RASGRF2: variants seen among roughly 807,000 people sequenced by gnomAD.
RASGRF2 encodes ras-specific guanine nucleotide-releasing factor 2.
In RASGRF2, 76 loss-of-function variants were observed where a neutral mutation model predicts 151.0. The observed-to-expected ratio is 0.50, with a 90% CI of 0.42 to 0.61. RASGRF2 has a LOEUF of 0.61. RASGRF2 is among the 20% of genes least tolerant of loss of function. The pLI is 0.00. For missense variants in RASGRF2, 1,148 were observed against 1,564.6 expected, an observed-to-expected ratio of 0.73 and a Z score of 4.49; for synonymous variants, 504 against 566.5, an observed-to-expected ratio of 0.89 and a Z score of 1.57.
chr5:81,083,768 C>G (rs887311713), intron 7 of RASGRF2, among the ~76,000 whole-genome samples: 1 of 152,210 alleles, frequency 6.6e-6, no homozygotes, highest in African/African-American at 2.4e-5. Context: ...GTGAAATCTG[C>G]TCCTGACAAG....
At chr5:81,043,460 C>T (rs769536807) in intron 2 of RASGRF2, among the ~76,000 whole-genome samples, 1 of 152,140 alleles carries the variant, frequency 6.6e-6, no homozygotes, top group Non-Finnish European at 1.5e-5. Context: ...CTGTGCACCT[C>T]GGTTATCAAA....
chr5:81,066,839 GT>G (rs1263583615), intron 2 of RASGRF2, among the ~76,000 whole-genome samples: 2 of 152,194 alleles, frequency 1.3e-5, no homozygotes, highest in South Asian at 2.1e-4. Flanking sequence ...TTTTAGGCTG[GT>G]TTAATGTGGT....
intron 26 of RASGRF2, among the ~76,000 whole-genome samples, chr5:81,220,814 A>AT (rs1303756121): frequency 3.3e-5 from 5 of 152,020 alleles, no homozygotes; most frequent in Non-Finnish European, 5.9e-5. Flanking sequence ...AGATTTCCTT[A>AT]TTTTTTACCT....
chr5:81,200,032 A>T (rs1755352319), intron 18 of RASGRF2, among the ~76,000 whole-genome samples: 1 of 151,088 alleles, frequency 6.6e-6, no homozygotes, highest in African/African-American at 2.4e-5. Context: ...GCACTTCGGG[A>T]GGCTGAGATG....
At chr5:81,000,614 T>G (rs10462577) in intron 1 of RASGRF2, among the ~76,000 whole-genome samples, 38,063 of 151,672 alleles carry the variant, frequency 0.25, 5,441 homozygotes, top group Middle Eastern at 0.45. Context: ...ATAATTTATG[T>G]TTTTTTTTCC....
At chr5:81,143,026 A>T (rs771154147) in intron 17 of RASGRF2, among the ~76,000 whole-genome samples, 1 of 152,228 alleles carries the variant, frequency 6.6e-6, no homozygotes, top group African/African-American at 2.4e-5. Flanking sequence ...TGAAAAATAT[A>T]TTCGTAGTAT....
chr5:80,963,151 A>C (rs1747617341), intron 1 of RASGRF2, among the ~76,000 whole-genome samples: 1 of 152,248 alleles, frequency 6.6e-6, no homozygotes, highest in South Asian at 2.1e-4. Flanking sequence ...ATTCTACCTT[A>C]AATCTACAGT....
At chr5:81,105,004 G>A (rs932115807) in intron 12 of RASGRF2, among the ~76,000 whole-genome samples, 2 of 152,146 alleles carry the variant, frequency 1.3e-5, no homozygotes, top group African/African-American at 2.4e-5. Flanking sequence ...AGTGAACTGG[G>A]CAGATTGGTC....
At chr5:81,126,362 A>C (rs543562453) in intron 16 of RASGRF2, among the ~76,000 whole-genome samples, 2 of 152,350 alleles carry the variant, frequency 1.3e-5, no homozygotes, top group African/African-American at 4.8e-5. Flanking sequence ...CTTTTTTAAG[A>C]ATATTTTTAT....
intron 1 of RASGRF2, among the ~76,000 whole-genome samples, chr5:80,968,372 G>A (rs1239441378): frequency 6.7e-6 from 1 of 148,572 alleles, no homozygotes; most frequent in African/African-American, 2.5e-5. Flanking sequence ...TTTTTTGTTA[G>A]ACCACTTTAA....
intron 1 of RASGRF2, among the ~76,000 whole-genome samples, chr5:81,003,015 G>C (rs932825238): frequency 1.3e-4 from 20 of 152,110 alleles, no homozygotes; most frequent in Admixed American, 1.1e-3. Context: ...TGCCAGAAGA[G>C]GGTAGCTATG....
intron 1 of RASGRF2, among the ~76,000 whole-genome samples, chr5:81,015,445 AAG>A (rs1010961702): frequency 2.4e-4 from 36 of 152,072 alleles, no homozygotes; most frequent in African/African-American, 8.5e-4. Context: ...AATCAGCTCA[AAG>A]AGCTATTTAT....
chr5:81,213,443 C>G (rs1755667466), intron 23 of RASGRF2, among the ~76,000 whole-genome samples: 1 of 152,186 alleles, frequency 6.6e-6, no homozygotes. Flanking sequence ...CCCTCTCTGC[C>G]TAACCCTCCC....
chr5:81,092,829 GA>G lies in RASGRF2; in HGVS notation c.1420del (p.Arg474GlyfsTer14). 6.2e-7 allele frequency: 1 copy of G among 1,613,520 alleles called. No individual in the cohort carries two copies. Among genetic ancestry groups the G allele is most frequent in the Non-Finnish European group, 8.5e-7 (1 of 1,179,604 alleles). ...GSLIQVPSVE[R>X]GKLSKVRLGS... ...CTCTTATTCAAGTACCTTCCGTTGAGAGGGGGAAACTTAGTAAAGTTCGCCT... is the reference window on the plus strand; with the variant it reads ...CTCTTATTCAAGTACCTTCCGTTGAGGGGGGAAACTTAGTAAAGTTCGCCT... On this transcript the variant is annotated frameshift_variant, in exon 10 of 27. Coordinates refer to ENST00000265080, the MANE Select transcript of RASGRF2 (RefSeq NM_006909.3). LOFTEE classifies it high-confidence loss of function.
At chr5:80,995,073 G>A (rs775803665) in intron 1 of RASGRF2, among the ~76,000 whole-genome samples, 39 of 151,972 alleles carry the variant, frequency 2.6e-4, no homozygotes, top group Non-Finnish European at 4.0e-4. Context: ...TGCCTAACAC[G>A]GTGAAACCCC....
At chr5:81,082,500 T>C (rs190570135) in intron 7 of RASGRF2, among the ~76,000 whole-genome samples, 1 of 152,306 alleles carries the variant, frequency 6.6e-6, no homozygotes, top group Non-Finnish European at 1.5e-5. Context: ...GGGAAAATAA[T>C]TGAACCAAAC....
chr5:81,041,334 T>C (rs1456042055), intron 1 of RASGRF2, among the ~76,000 whole-genome samples: 7 of 151,864 alleles, frequency 4.6e-5, no homozygotes, highest in African/African-American at 1.7e-4. Flanking sequence ...GAGATTGTAC[T>C]GACTGATCGT....
At chr5:81,180,332 C>T in intron 18 of RASGRF2, 51 bp downstream of exon 18, 2 of 1,162,514 alleles carry the variant, frequency 1.7e-6, no homozygotes, top group Non-Finnish European at 1.3e-6. Flanking sequence ...AAAAAATCAT[C>T]TTTTTAAGTT....
At chr5:81,201,537 C>A in intron 19 of RASGRF2, 95 bp downstream of exon 19, 2 of 1,317,508 alleles carry the variant, frequency 1.5e-6, no homozygotes, top group South Asian at 1.4e-5. Flanking sequence ...ATCCTGGGGA[C>A]AGTGGGGACT....
Sources: allele counts gnomAD v4.1 joint callset (sites outside exome capture counted in the v4.1 genomes callset), GRCh38; gene constraint gnomAD v4.1.1; transcripts MANE v1.5; gene names NCBI Gene and HGNC (gene_info 2026-07-23, HGNC 2026-07-21).